Variants in G2E3 observed in about 807,000 individuals in gnomAD.
G2E3 encodes the protein G2/M-phase specific E3 ubiquitin protein ligase.
In G2E3, 35 loss-of-function variants were observed where a neutral mutation model predicts 92.8. The observed-to-expected ratio is 0.38, with a 90% CI of 0.29 to 0.50. The LOEUF (loss-of-function observed/expected upper bound fraction) is 0.50, where lower values mean the gene tolerates loss of function less well. Ranked by LOEUF, G2E3 falls within the 20% of genes least tolerant of loss-of-function variation. G2E3 has a pLI of 0.94. For missense variants in G2E3, 554 were observed against 823.8 expected (o/e 0.67, Z 4.01); for synonymous variants, 242 against 272.4 (o/e 0.89, Z 1.10).
intron 7 of G2E3, 56 bp downstream of exon 7, chr14:30,597,582 T>C: frequency 1.1e-6 from 1 of 926,076 alleles, no homozygotes; most frequent in Non-Finnish European, 1.8e-6. Context: ...TAGGATTTAA[T>C]AGCAATGGAA....
At chr14:30,563,918 C>T (rs1308983791) in intron 1 of G2E3, among the ~76,000 whole-genome samples, 4 of 152,110 alleles carry the variant, frequency 2.6e-5, no homozygotes, top group Non-Finnish European at 5.9e-5. Context: ...AGGGTTTCGC[C>T]ATGTTGGTCA....
chr14:30,596,483 A>AT, intron 6 of G2E3, among the ~76,000 whole-genome samples: 1 of 152,258 alleles, frequency 6.6e-6, no homozygotes, highest in African/African-American at 2.4e-5. Context: ...CTAATTACAC[A>AT]TTCTCTCTCT....
chr14:30,610,493 A>G (rs951412395), intron 12 of G2E3, among the ~76,000 whole-genome samples: 3 of 152,224 alleles, frequency 2.0e-5, no homozygotes, highest in African/African-American at 4.8e-5. Context: ...GCGCGCGCCT[A>G]TAGTCCCAGC....
chr14:30,590,461 C>T (rs1368080182), intron 4 of G2E3: 1 of 323,256 alleles, frequency 3.1e-6, no homozygotes, highest in East Asian at 7.8e-5. Context: ...CTATAATATT[C>T]AACAGAGAAC....
chr14:30,583,976 T>A (rs1200413975), intron 2 of G2E3, among the ~76,000 whole-genome samples: 1 of 152,208 alleles, frequency 6.6e-6, no homozygotes, highest in Non-Finnish European at 1.5e-5. Context: ...AACATTTTAA[T>A]CGCCCTCAAA....
At chr14:30,589,308 T>G in intron 3 of G2E3, 75 bp from the exon 4 acceptor site, 1 of 805,442 alleles carries the variant, frequency 1.2e-6, no homozygotes, top group East Asian at 2.4e-5. Flanking sequence ...TTAGACTGAA[T>G]AGTATGGATA....
intron 14 of G2E3, 39 bp downstream of exon 14, chr14:30,615,578 A>G (rs568798770): frequency 1.6e-6 from 2 of 1,269,082 alleles, no homozygotes; most frequent in East Asian, 2.5e-5. Context: ...CGATCTCAGA[A>G]TATTTGTTTC....
intron 1 of G2E3, 93 bp downstream of exon 1, chr14:30,559,365 A>T (rs1878949192): frequency 6.6e-6 from 1 of 152,644 alleles, no homozygotes; most frequent in Admixed American, 6.5e-5. Context: ...CGGACGTCGC[A>T]GCCGGGGCCT....
intron 1 of G2E3, among the ~76,000 whole-genome samples, chr14:30,567,583 G>A (rs916990476): frequency 2.0e-5 from 3 of 151,012 alleles, no homozygotes; most frequent in South Asian, 2.1e-4. Context: ...CAATTTTGTC[G>A]ATCTTCTCAA....
chr14:30,618,801 A>G lies in G2E3; in HGVS notation c.*2267A>G, dbSNP rs1882433811. On this transcript the variant is annotated 3_prime_UTR_variant, in exon 15 of 15. Coordinates refer to ENST00000206595, the MANE Select transcript of G2E3 (RefSeq NM_017769.5). ...ATTTTCTGCAGTGTCATTTTGTCAA[A>G]TGGTTGGTATTATAATTGTTCTTTT... The G allele has an allele frequency of 6.6e-6, 1 of 152,114 alleles. No homozygotes were observed. The highest frequency in any genetic ancestry group is 2.4e-5 in the African/African-American group (1 of 41,456). The allele number at this position is 152,114 out of a possible 1,614,324, so 9.4% of individuals were successfully genotyped here.
chr14:30,611,816 A>G (rs1432769968), intron 12 of G2E3: 1 of 157,202 alleles, frequency 6.4e-6, no homozygotes, highest in Non-Finnish European at 1.3e-5. Flanking sequence ...CACCCACACC[A>G]GGCCTTTTTT....
intron 13 of G2E3, among the ~76,000 whole-genome samples, chr14:30,612,926 AT>A (rs1312153746): frequency 6.6e-6 from 1 of 152,082 alleles, no homozygotes; most frequent in African/African-American, 2.4e-5. Context: ...TCAGATTATA[AT>A]TTTTTTCTAA....
chr14:30,586,637 A>G (rs1025612703), intron 2 of G2E3, 81 bp from the exon 3 acceptor site: 9 of 521,508 alleles, frequency 1.7e-5, no homozygotes, highest in Non-Finnish European at 3.0e-5. Flanking sequence ...TAACACAGAA[A>G]TTTAGAGAAG....
At chr14:30,576,122 T>C (rs922052373) in intron 1 of G2E3, among the ~76,000 whole-genome samples, 2 of 152,128 alleles carry the variant, frequency 1.3e-5, no homozygotes, top group African/African-American at 4.8e-5. Context: ...CAAACTATAC[T>C]ACAAGGCTCC....
rs548455808 is a variant in G2E3, at chr14:30,569,676, C to T, written c.-5+10404C>T. On this transcript the variant is annotated intron_variant, in intron 1 of 14. Coordinates refer to ENST00000206595, the MANE Select transcript of G2E3 (RefSeq NM_017769.5). ...CTGGTTATTTAGAGCCTGACTTGGT[C>T]AGTGGAAGGGGCTAGGACTGGAATA... 3.3e-5 allele frequency among the ~76,000 whole-genome samples: 5 copies of T among 152,148 alleles called. No homozygotes were observed. The South Asian group carries it at 1.0e-3, about 32-fold the overall frequency.
intron 1 of G2E3, among the ~76,000 whole-genome samples, chr14:30,571,541 C>G (rs148754501): frequency 6.6e-6 from 1 of 151,940 alleles, no homozygotes; most frequent in African/African-American, 2.4e-5. Flanking sequence ...AGATTCTTCA[C>G]TATGTTTTCT....
chr14:30,565,706 G>A, intron 1 of G2E3, among the ~76,000 whole-genome samples: 1 of 130,462 alleles, frequency 7.7e-6, no homozygotes, highest in South Asian at 2.4e-4. Context: ...TTGTTGCCCA[G>A]GCTGGAGTGC....
chr14:30,570,697 A>G (rs925996651), intron 1 of G2E3, among the ~76,000 whole-genome samples: 5 of 151,820 alleles, frequency 3.3e-5, no homozygotes, highest in Admixed American at 2.0e-4. Context: ...TATCATTTCT[A>G]CTTCTTTATT....
At chr14:30,584,124 T>C (rs907458604) in intron 2 of G2E3, among the ~76,000 whole-genome samples, 2 of 152,214 alleles carry the variant, frequency 1.3e-5, no homozygotes, top group Middle Eastern at 3.2e-3. Context: ...TTGAGTAATA[T>C]TGTGACCCTT....
Sources: gnomAD v4.1 joint callset for allele counts (sites outside exome capture counted in the v4.1 genomes callset) on GRCh38, gnomAD v4.1.1 for gene constraint, MANE v1.5 for transcripts, NCBI Gene and HGNC (gene_info 2026-07-23, HGNC 2026-07-21) for gene names.